MEGF10: variants seen among roughly 807,000 people sequenced by gnomAD.
MEGF10 encodes the protein multiple epidermal growth factor-like domains protein 10.
Under a neutral mutation model 147.5 loss-of-function variants are expected in MEGF10, and 86 were observed. The observed-to-expected ratio is 0.58, with a 90% CI of 0.49 to 0.70. The LOEUF is 0.70. Among genes scored for constraint, MEGF10 ranks in the 30% least tolerant of loss-of-function variants. The pLI is 0.00. For synonymous variants in MEGF10, 478 were observed against 525.5 expected, an observed-to-expected ratio of 0.91 and a Z score of 1.24; for missense variants, 1,329 against 1,487.3, an observed-to-expected ratio of 0.89 and a Z score of 1.75.
chr5:127,403,440 C>T (rs1378547265), intron 8 of MEGF10, among the ~76,000 whole-genome samples: 1 of 152,156 alleles, frequency 6.6e-6, no homozygotes, highest in African/African-American at 2.4e-5. Context: ...GAGTTACAAG[C>T]AATTCAATTA....
chr5:127,273,037 C>A, the MEGF10 span, among the ~76,000 whole-genome samples: 1 of 152,300 alleles, frequency 6.6e-6, no homozygotes, highest in African/African-American at 2.4e-5. Context: ...TATGTACAGA[C>A]CTCCCTCCTT....
chr5:127,398,550 A>T, intron 6 of MEGF10, 126 bp from the exon 7 acceptor site: 1 of 1,080,604 alleles, frequency 9.3e-7, no homozygotes. Flanking sequence ...TCTTGATGTT[A>T]ATTAATTAAA....
chr5:127,443,023 T>C lies in MEGF10; in HGVS notation c.2388T>C (p.Tyr796=). 6.2e-7 allele frequency: 1 copy of C among 1,613,568 alleles called. No homozygotes were observed. The highest frequency in any genetic ancestry group is 1.1e-5 in the South Asian group (1 of 91,004). Residue 796 remains tyrosine (Y), a synonymous_variant, in exon 19 of 25, where the codon TAT becomes TAC. Transcript: ENST00000503335. The stretch of plus-strand genomic sequence containing the variant: ...AGTGCCCTTCAGGAACATATGGCTA[T>C]GGCTGTCGCCAGATATGTGATTGTC... ...EQKCPSGTYG[Y]GCRQICDCLN... is the part of the protein sequence containing the mutation.
intron 5 of MEGF10, among the ~76,000 whole-genome samples, chr5:127,388,829 GCCACTGCC>G (rs1254226687): frequency 6.6e-6 from 1 of 152,178 alleles, no homozygotes; most frequent in Non-Finnish European, 1.5e-5. Flanking sequence ...GCAGGCATGA[GCCACTGCC>G]CCTGGCCAAT....
At chr5:127,239,733 A>G in the MEGF10 span, among the ~76,000 whole-genome samples, 1 of 152,024 alleles carries the variant, frequency 6.6e-6, no homozygotes, top group Admixed American at 6.6e-5. Context: ...ATAGGGGTTC[A>G]TTAGATTATT....
chr5:127,441,607 GATAA>G (rs1765759980), intron 18 of MEGF10, among the ~76,000 whole-genome samples: 1 of 152,016 alleles, frequency 6.6e-6, no homozygotes, highest in Non-Finnish European at 1.5e-5. Context: ...CAGTATTCAC[GATAA>G]ATAAATAAGG....
chr5:127,246,929 A>AAC, the MEGF10 span, among the ~76,000 whole-genome samples: 10 of 132,642 alleles, frequency 7.5e-5, no homozygotes, highest in African/African-American at 1.2e-4. Context: ...ATTATACAAT[A>AAC]ATATATGATT....
chr5:127,309,947 C>CTCTTTCCTTCCTTCTT (rs1554088995), intron 1 of MEGF10, among the ~76,000 whole-genome samples: 21 of 90,464 alleles, frequency 2.3e-4, no homozygotes, highest in African/African-American at 8.9e-4. Context: ...TCCTTGCCAA[C>CTCTTTCCTTCCTTCTT]TCTTTCTTTC....
intron 17 of MEGF10, among the ~76,000 whole-genome samples, chr5:127,438,935 T>G (rs1291653217): frequency 1.3e-5 from 2 of 152,208 alleles, no homozygotes; most frequent in East Asian, 1.9e-4. Context: ...CCTCACTGCC[T>G]GATTTAATGT....
the MEGF10 span, among the ~76,000 whole-genome samples, chr5:127,254,068 A>C: frequency 6.6e-6 from 1 of 152,094 alleles, no homozygotes; most frequent in South Asian, 2.1e-4. Context: ...CAAAGTAAAA[A>C]ATTTCCAACA....
chr5:127,330,429 G>T (rs1761208129), intron 1 of MEGF10, among the ~76,000 whole-genome samples: 1 of 151,964 alleles, frequency 6.6e-6, no homozygotes, highest in African/African-American at 2.4e-5. Flanking sequence ...GAATTAACTT[G>T]AACTCCCTAA....
the MEGF10 span, among the ~76,000 whole-genome samples, chr5:127,260,875 A>T: frequency 6.6e-6 from 1 of 152,184 alleles, no homozygotes. Flanking sequence ...CTCCTGCAGG[A>T]CACCACAACT....
At chr5:127,438,357 G>GT in intron 16 of MEGF10, 82 bp from the exon 17 acceptor site, 1 of 1,468,936 alleles carries the variant, frequency 6.8e-7, no homozygotes, top group Non-Finnish European at 9.4e-7. Context: ...CATGCAGGGA[G>GT]ATGTGTAGAG....
chr5:127,279,157 A>G, the MEGF10 span, among the ~76,000 whole-genome samples: 1 of 152,182 alleles, frequency 6.6e-6, no homozygotes, highest in African/African-American at 2.4e-5. Flanking sequence ...AAGCCAAGTA[A>G]GGAGGGAGGC....
chr5:127,253,028 G>A, the MEGF10 span, among the ~76,000 whole-genome samples: 5 of 151,722 alleles, frequency 3.3e-5, no homozygotes, highest in Admixed American at 6.6e-5. Context: ...TCATAAACAC[G>A]GATACAAACA....
At chr5:127,346,864 A>G (rs747495869) in intron 4 of MEGF10, among the ~76,000 whole-genome samples, 5 of 152,120 alleles carry the variant, frequency 3.3e-5, no homozygotes, top group East Asian at 1.9e-4. Context: ...GAGTTTAGGA[A>G]TATTTTCACA....
intron 1 of MEGF10, among the ~76,000 whole-genome samples, chr5:127,323,043 C>T (rs1301795280): frequency 6.6e-6 from 1 of 151,844 alleles, no homozygotes; most frequent in Admixed American, 6.6e-5. Flanking sequence ...TGTATATGCA[C>T]AGGCATTCTT....
chr5:127,452,254 C>T (rs1296765591), intron 22 of MEGF10, among the ~76,000 whole-genome samples: 2 of 152,186 alleles, frequency 1.3e-5, no homozygotes, highest in African/African-American at 4.8e-5. Flanking sequence ...TCTTTCACAC[C>T]TTGGTGGAAG....
At chr5:127,438,368 G>A in intron 16 of MEGF10, 71 bp from the exon 17 acceptor site, 2 of 1,535,724 alleles carry the variant, frequency 1.3e-6, no homozygotes, top group Non-Finnish European at 1.8e-6. Flanking sequence ...ATGTGTAGAG[G>A]TGGATGGAAT....
Sources: gnomAD v4.1 joint callset for allele counts (sites outside exome capture counted in the v4.1 genomes callset) on GRCh38, gnomAD v4.1.1 for gene constraint, MANE v1.5 for transcripts, NCBI Gene and HGNC (gene_info 2026-07-23, HGNC 2026-07-21) for gene names.